The following COL4A6 variants were observed in gnomAD, a reference collection of about 807,000 sequenced individuals.
COL4A6 encodes collagen alpha-6(IV) chain.
In COL4A6, 59 loss-of-function variants were observed where a neutral mutation model predicts 126.7. The ratio of observed to expected loss-of-function variants is 0.47; its 90% CI spans 0.38 to 0.58. The LOEUF is 0.58. Among genes scored for constraint, COL4A6 ranks in the 20% least tolerant of loss-of-function variants. The pLI is 0.00. For synonymous variants in COL4A6, 547 were observed against 496.6 expected, an observed-to-expected ratio of 1.10 and a Z score of -1.35; for missense variants, 1,285 against 1,337.3, an observed-to-expected ratio of 0.96 and a Z score of 0.61.
At chrX:108,406,024 G>A (rs771285135) in intron 2 of COL4A6, among the ~76,000 whole-genome samples, 47 of 111,579 alleles carry the variant, frequency 4.2e-4, no homozygotes, top group Non-Finnish European at 6.2e-4. Flanking sequence ...CTGGAGCACA[G>A]AGGGGTGATC....
intron 3 of COL4A6, among the ~76,000 whole-genome samples, chrX:108,238,604 G>T (rs2036495044): frequency 9.3e-6 from 1 of 107,859 alleles, no homozygotes; most frequent in Non-Finnish European, 1.9e-5. Flanking sequence ...TAGACATCTA[G>T]TTTGCCTCTA....
chrX:108,169,654 C>T (rs1164613243), intron 36 of COL4A6, 34 bp from the exon 37 acceptor site: 1 of 1,183,622 alleles, frequency 8.4e-7, no homozygotes, highest in Non-Finnish European at 1.1e-6. Flanking sequence ...GGGCAGACCT[C>T]AGTGGAGGTG....
At chrX:108,196,832 C>T (rs2035235222) in intron 13 of COL4A6, among the ~76,000 whole-genome samples, 1 of 112,270 alleles carries the variant, frequency 8.9e-6, no homozygotes, top group Admixed American at 9.4e-5. Context: ...TTTATAGTAT[C>T]ATGGGCTAAC....
At chrX:108,316,468 G>A (rs1458173589) in intron 2 of COL4A6, among the ~76,000 whole-genome samples, 1 of 111,791 alleles carries the variant, frequency 8.9e-6, no homozygotes, top group Non-Finnish European at 1.9e-5. Context: ...TTGGGGTTAG[G>A]TTGTTATTTT....
chrX:108,277,345 C>T (rs1034407731), intron 3 of COL4A6, among the ~76,000 whole-genome samples: 1 of 112,090 alleles, frequency 8.9e-6, no homozygotes, highest in Non-Finnish European at 1.9e-5. Context: ...ATATCCCGCA[C>T]ATGGCTCAGA....
chrX:108,185,618 A>G (rs2034837630), intron 23 of COL4A6, among the ~76,000 whole-genome samples: 1 of 111,778 alleles, frequency 8.9e-6, no homozygotes, highest in African/African-American at 3.3e-5. Context: ...AGGTGGAAAC[A>G]GGAGAAATAT....
chrX:108,197,785 G>GTGTA (rs1355596832), intron 13 of COL4A6, among the ~76,000 whole-genome samples: 1 of 107,249 alleles, frequency 9.3e-6, no homozygotes, highest in East Asian at 2.9e-4. Flanking sequence ...GTGTGTGTGT[G>GTGTA]TGTGTGTGTG....
In COL4A6 at chrX:108,336,839, T is replaced by C. The variant is rs766997975; in HGVS notation, c.64-26011A>G. On this transcript the variant is annotated intron_variant, in intron 2 of 44. Transcript: ENST00000334504. ...AGCTTTGTTTGGTCTGGCCCTAGAA[T>C]TGGTTATACCTTTGTAACCATTTAA... Among the ~76,000 whole-genome samples, 100 of 111,117 alleles carry C rather than the reference T, an allele frequency of 9.0e-4. 3 individuals carry two copies. The Admixed American group carries it at 9.5e-3, about 11-fold the overall frequency.
chrX:108,310,617 C>T (rs1315447449), intron 3 of COL4A6, 131 bp downstream of exon 3: 4 of 502,577 alleles, frequency 8.0e-6, no homozygotes, highest in Non-Finnish European at 1.3e-5. Context: ...AAGCTCCTTC[C>T]AGCTGGTCCT....
chrX:108,366,079 T>C (rs375196836), intron 2 of COL4A6, among the ~76,000 whole-genome samples: 35 of 111,646 alleles, frequency 3.1e-4, no homozygotes, highest in African/African-American at 1.0e-3. Context: ...GGACTTTATA[T>C]TGTACATTCT....
At chrX:108,433,350 G>C (rs1029266648) in intron 2 of COL4A6, among the ~76,000 whole-genome samples, 1 of 110,911 alleles carries the variant, frequency 9.0e-6, no homozygotes, top group Non-Finnish European at 1.9e-5. Flanking sequence ...AAAGCCCTAT[G>C]ATCTGCCTCA....
chrX:108,243,961 G>T (rs1246193049), intron 3 of COL4A6, among the ~76,000 whole-genome samples: 1 of 112,163 alleles, frequency 8.9e-6, no homozygotes, highest in Non-Finnish European at 1.9e-5. Flanking sequence ...TAAAAGGACA[G>T]CGGTCACATT....
intron 2 of COL4A6, among the ~76,000 whole-genome samples, chrX:108,350,986 G>A (rs1424499930): frequency 1.8e-5 from 2 of 111,236 alleles, no homozygotes; most frequent in Admixed American, 1.9e-4. Flanking sequence ...TAGAGCCTGG[G>A]CAAGGACAGT....
At chrX:108,347,079 C>A (rs2039725227) in intron 2 of COL4A6, among the ~76,000 whole-genome samples, 1 of 111,994 alleles carries the variant, frequency 8.9e-6, no homozygotes, top group Admixed American at 9.5e-5. Context: ...TATTTTCCAA[C>A]CCGCTAATTC....
chrX:108,175,905 A>C (rs972272265), intron 28 of COL4A6, 108 bp from the exon 29 acceptor site: 10 of 631,652 alleles, frequency 1.6e-5, no homozygotes, highest in Admixed American at 4.0e-5. Context: ...AGGAAGTTGC[A>C]GAGAAGGAAT....
chrX:108,346,258 T>C (rs2039703781), intron 2 of COL4A6, among the ~76,000 whole-genome samples: 1 of 111,632 alleles, frequency 9.0e-6, no homozygotes, highest in South Asian at 3.8e-4. Flanking sequence ...CATTTAATCT[T>C]TACAACATCA....
chrX:108,315,680 A>G (rs923907025), intron 2 of COL4A6, among the ~76,000 whole-genome samples: 1 of 111,177 alleles, frequency 9.0e-6, no homozygotes, highest in African/African-American at 3.3e-5. Context: ...CACAAACAAA[A>G]CTTCTATTCA....
intron 3 of COL4A6, among the ~76,000 whole-genome samples, chrX:108,290,991 C>T (rs1383395626): frequency 8.9e-6 from 1 of 112,248 alleles, no homozygotes; most frequent in African/African-American, 3.2e-5. Context: ...TCCAGTTTGC[C>T]TAGGACATTT....
chrX:108,269,962 A>G (rs1263390528), intron 3 of COL4A6, among the ~76,000 whole-genome samples: 3 of 111,666 alleles, frequency 2.7e-5, no homozygotes, highest in Non-Finnish European at 5.6e-5. Flanking sequence ...GCAGGCCACA[A>G]GGAGTCATCC....
Sources: gnomAD v4.1 joint callset for allele counts (sites outside exome capture counted in the v4.1 genomes callset) on GRCh38, gnomAD v4.1.1 for gene constraint, MANE v1.5 for transcripts, NCBI Gene and HGNC (gene_info 2026-07-23, HGNC 2026-07-21) for gene names.